Variants in EXT1 observed in about 807,000 individuals in gnomAD.
The protein encoded by EXT1 is exostosin-1.
A neutral mutation model predicts 82.5 loss-of-function variants in EXT1; 20 were observed. The ratio of observed to expected loss-of-function variants is 0.24; its 90% confidence interval spans 0.17 to 0.35. EXT1 has a LOEUF of 0.35. EXT1 is among the 10% of genes least tolerant of loss of function. The pLI, the probability that EXT1 is intolerant of heterozygous loss-of-function variation, is 1.00. For missense variants in EXT1, 757 were observed against 936.5 expected (o/e 0.81, Z 2.50); for synonymous variants, 348 against 350.8 (o/e 0.99, Z 0.09).
In EXT1 at chr8:117,796,591, G is replaced by A. The variant is rs1345886855; in HGVS notation, c.*3121C>T. 1 of 152,070 alleles carries A rather than the reference G, an allele frequency of 6.6e-6. No homozygotes were observed. Among genetic ancestry groups the A allele is most frequent in the African/African-American group, 2.4e-5 (1 of 41,410 alleles). The allele number at this position is 152,070 out of a possible 1,614,324, so 9.4% of individuals were successfully genotyped here. A position where few individuals can be genotyped will look rare whatever the true frequency, so the allele number is the denominator to read the frequency against. ...GATGCAACCGGATTGATCCTTCTTTGAGCACCATTTGTCACAAGAAGAAAT... is the reference window on the plus strand; with the variant it reads ...GATGCAACCGGATTGATCCTTCTTTAAGCACCATTTGTCACAAGAAGAAAT... On this transcript the variant is annotated 3_prime_UTR_variant, in exon 11 of 11. Transcript: ENST00000378204.
At chr8:118,036,448 G>A (rs139641256) in intron 1 of EXT1, among the ~76,000 whole-genome samples, 7 of 152,090 alleles carry the variant, frequency 4.6e-5, no homozygotes, top group African/African-American at 1.7e-4. Flanking sequence ...ATAGTAAATC[G>A]CATGATAACT....
chr8:117,980,635 T>G (rs1433456580), intron 1 of EXT1, among the ~76,000 whole-genome samples: 1 of 151,102 alleles, frequency 6.6e-6, no homozygotes, highest in Admixed American at 6.6e-5. Context: ...TCTGACCCAG[T>G]GGTCTGTACT....
chr8:118,031,345 C>G (rs1050477497), intron 1 of EXT1, among the ~76,000 whole-genome samples: 1 of 151,962 alleles, frequency 6.6e-6, no homozygotes, highest in African/African-American at 2.4e-5. Flanking sequence ...GCCAACACAG[C>G]GAAACCCCGT....
rs186749792 is a variant in EXT1 at position 117,795,890 on chromosome 8, T to G, written c.*3822A>C. On this transcript the variant is annotated 3_prime_UTR_variant, in exon 11 of 11. Transcript: ENST00000378204. ...CAAGTGAGACAAGTTTAGCACAGTTTGATATTAATGCTTATTTGCTGAGAA... is the reference window on the plus strand; with the variant it reads ...CAAGTGAGACAAGTTTAGCACAGTTGGATATTAATGCTTATTTGCTGAGAA... 5 of 152,308 alleles carry G rather than the reference T, an allele frequency of 3.3e-5. No individual in the cohort carries two copies. The East Asian group carries it at 9.6e-4, about 29-fold the overall frequency. 9.4% of individuals were successfully genotyped at this position (152,308 alleles called of 1,614,324 possible).
chr8:117,861,380 C>G (rs1156490656), intron 1 of EXT1, among the ~76,000 whole-genome samples: 1 of 151,598 alleles, frequency 6.6e-6, no homozygotes, highest in Non-Finnish European at 1.5e-5. Flanking sequence ...TAAAGTCTAT[C>G]TTCTCCAATT....
At chr8:118,055,652 GATA>G (rs141573632) in intron 1 of EXT1, among the ~76,000 whole-genome samples, 2,009 of 152,244 alleles carry the variant, frequency 0.013, 39 homozygotes, top group African/African-American at 0.045. Flanking sequence ...CCCATCCCTT[GATA>G]ATAACTAAGT....
chr8:117,962,474 T>TG (rs1227125018), intron 1 of EXT1, among the ~76,000 whole-genome samples: 1 of 151,696 alleles, frequency 6.6e-6, no homozygotes, highest in Non-Finnish European at 1.5e-5. Context: ...CAAGAATGGC[T>TG]GGGCACAGTG....
intron 1 of EXT1, among the ~76,000 whole-genome samples, chr8:117,963,646 C>G (rs116531661): frequency 6.6e-6 from 1 of 152,040 alleles, no homozygotes; most frequent in Admixed American, 6.6e-5. Context: ...AGACACCACA[C>G]GCCTGGCTAA....
chr8:117,823,915 T>C (rs1811966570), intron 4 of EXT1, among the ~76,000 whole-genome samples: 1 of 152,220 alleles, frequency 6.6e-6, no homozygotes, highest in African/African-American at 2.4e-5. Flanking sequence ...CTTTTTGTGG[T>C]ACAACAGGGA....
intron 1 of EXT1, among the ~76,000 whole-genome samples, chr8:117,847,328 T>C (rs1563578471): frequency 6.6e-6 from 1 of 152,200 alleles, no homozygotes; most frequent in Non-Finnish European, 1.5e-5. Flanking sequence ...CCCAATTTAC[T>C]TGGGGAATGA....
chr8:117,876,525 C>G (rs1041285502), intron 1 of EXT1, among the ~76,000 whole-genome samples: 1 of 152,092 alleles, frequency 6.6e-6, no homozygotes, highest in Non-Finnish European at 1.5e-5. Context: ...CATTCCATTC[C>G]TTGTTGATAA....
intron 1 of EXT1, among the ~76,000 whole-genome samples, chr8:117,909,929 A>G (rs7824391): frequency 0.26 from 39,504 of 151,822 alleles, 5,761 homozygotes; most frequent in East Asian, 0.37. Flanking sequence ...TGCCATGCCC[A>G]GCTAATTTTT....
In EXT1 at chr8:118,045,632, T is replaced by C. The variant is rs1816610989; in HGVS notation, c.962+64453A>G. On this transcript the variant is annotated intron_variant, in intron 1 of 10. Coordinates refer to ENST00000378204, the MANE Select transcript of EXT1 (RefSeq NM_000127.3). ...CTTCTATGTCATCCATCGTGAATGT[T>C]ACCACCAAGACTAGAAGCTTCCATC... Among the ~76,000 whole-genome samples, 4 of 152,094 alleles carry C rather than the reference T, an allele frequency of 2.6e-5. No homozygotes were observed. In the South Asian group the frequency reaches 8.3e-4, roughly 32 times the overall value.
chr8:117,822,715 C>G, intron 4 of EXT1, 118 bp from the exon 5 acceptor site: 29 of 1,052,232 alleles, frequency 2.8e-5, no homozygotes, highest in Non-Finnish European at 4.2e-5. Context: ...TACCCTCCCT[C>G]CCACTTTAAT....
At chr8:118,104,105 T>A (rs1391710316) in intron 1 of EXT1, among the ~76,000 whole-genome samples, 1 of 152,222 alleles carries the variant, frequency 6.6e-6, no homozygotes. Context: ...CTGAGCTTGT[T>A]ACTTTACTGT....
rs140263357 is a variant in EXT1 at position 118,013,257 on chromosome 8, G to A, written c.962+96828C>T. Among the ~76,000 whole-genome samples the A allele has an allele frequency of 3.3e-3, 497 of 152,168 alleles. 3 individuals are homozygous for A. The highest frequency in any genetic ancestry group is 0.011 in the African/African-American group (455 of 41,516). On this transcript the variant is annotated intron_variant, in intron 1 of 10. Transcript: ENST00000378204. ...CAGAGTCTCACTCTGTCACCAGGCTGGAGTGCAGTGGCGCAATCTTAGCTC... is the reference window on the plus strand; with the variant it reads ...CAGAGTCTCACTCTGTCACCAGGCTAGAGTGCAGTGGCGCAATCTTAGCTC...
At chr8:117,956,578 GACT>G (rs1245574701) in intron 1 of EXT1, among the ~76,000 whole-genome samples, 1 of 152,082 alleles carries the variant, frequency 6.6e-6, no homozygotes, top group Non-Finnish European at 1.5e-5. Flanking sequence ...AAATAGCTGG[GACT>G]ACAGGCACGC....
rs765789800 is a variant in EXT1 at position 117,807,390 on chromosome 8, C to A, written c.1723-13G>T. 2 of 1,614,010 alleles carry A rather than the reference C, an allele frequency of 1.2e-6. No individual in the cohort carries two copies. The highest frequency in any genetic ancestry group is 2.7e-5 in the African/African-American group (2 of 74,922). Reference sequence around the variant, plus strand: ...AGGCGAAATCCACCTGCAGGCAGAACACAAGCCAAACAAGCAATCAACAGT... The same window carrying A: ...AGGCGAAATCCACCTGCAGGCAGAAAACAAGCCAAACAAGCAATCAACAGT... On this transcript the variant is annotated splice_polypyrimidine_tract_variant and intron_variant, in intron 8 of 10. Transcript: ENST00000378204.
In EXT1 at chr8:118,065,011, C is replaced by T. The variant is rs191390165; in HGVS notation, c.962+45074G>A. 2.5e-3 allele frequency among the ~76,000 whole-genome samples: 377 copies of T among 152,140 alleles called. 3 individuals are homozygous for T. The South Asian group carries it at 0.029, about 12-fold the overall frequency. ...AGGATTACAGGTGCCCGCCACCACACCCAGCTAATTTTTGTATTTTTAGTA... is the reference window on the plus strand; with the variant it reads ...AGGATTACAGGTGCCCGCCACCACATCCAGCTAATTTTTGTATTTTTAGTA... On this transcript the variant is annotated intron_variant, in intron 1 of 10. Transcript: ENST00000378204.
Sources: allele counts gnomAD v4.1 joint callset (sites outside exome capture counted in the v4.1 genomes callset), GRCh38; gene constraint gnomAD v4.1.1; transcripts MANE v1.5; gene names NCBI Gene and HGNC (gene_info 2026-07-23, HGNC 2026-07-21).